Variants in PTPRN2 observed in about 807,000 individuals in gnomAD.
The protein encoded by PTPRN2 is receptor-type tyrosine-protein phosphatase N2.
A neutral mutation model predicts 118.8 loss-of-function variants in PTPRN2; 74 were observed. The ratio of observed to expected loss-of-function variants is 0.62; its 90% CI spans 0.52 to 0.76. The LOEUF (loss-of-function observed/expected upper bound fraction) is 0.76. PTPRN2 is among the 30% of genes least tolerant of loss of function. The probability of loss-of-function intolerance (pLI) is 0.00; values close to 1 mark genes in which losing one functional copy is unlikely to be tolerated. For synonymous variants in PTPRN2, 641 were observed against 608.0 expected, an observed-to-expected ratio of 1.05 and a Z score of -0.80; for missense variants, 1,481 against 1,394.4, an observed-to-expected ratio of 1.06 and a Z score of -0.99.
chr7:158,424,552 C>T (rs1437825643), intron 2 of PTPRN2, among the ~76,000 whole-genome samples: 1 of 152,236 alleles, frequency 6.6e-6, no homozygotes, highest in Non-Finnish European at 1.5e-5. Flanking sequence ...TCAAACAAAT[C>T]ATATGTGTGT....
At chr7:158,337,583 C>G in intron 2 of PTPRN2, among the ~76,000 whole-genome samples, 1 of 139,272 alleles carries the variant, frequency 7.2e-6, no homozygotes, top group African/African-American at 2.8e-5. Flanking sequence ...GTGACACCTG[C>G]AGACGTCACT....
rs539116344 is a variant in PTPRN2, at chr7:157,981,987, AC to A, written c.1724-83251del. On this transcript the variant is annotated intron_variant, in intron 11 of 22. Transcript: ENST00000389418. Reference sequence around the variant, plus strand: ...TGCAGAGTGCAGGGTACCGCCCAGAACCCCTGAGTCATAGAGACAAGGAGGG... The same window carrying A: ...TGCAGAGTGCAGGGTACCGCCCAGAACCCTGAGTCATAGAGACAAGGAGGG... 2.3e-3 allele frequency among the ~76,000 whole-genome samples: 323 copies of A among 142,490 alleles called. 11 individuals are homozygous for A. Among genetic ancestry groups the A allele is most frequent in the Admixed American group, 0.023 (311 of 13,744 alleles). 93.5% of individuals were successfully genotyped at this position (142,490 alleles called of 152,430 possible).
chr7:158,225,837 G>A (rs936175145), intron 3 of PTPRN2, among the ~76,000 whole-genome samples: 2 of 151,950 alleles, frequency 1.3e-5, no homozygotes, highest in African/African-American at 4.8e-5. Context: ...AAGGGACTTG[G>A]GGCTGTGGCA....
chr7:158,556,348 G>T (rs538311463), intron 1 of PTPRN2, among the ~76,000 whole-genome samples: 19 of 152,278 alleles, frequency 1.2e-4, no homozygotes, highest in African/African-American at 4.3e-4. Flanking sequence ...GAGGTCAAGA[G>T]TTCAAGACCA....
chr7:158,184,248 C>A (rs577047035), intron 5 of PTPRN2, among the ~76,000 whole-genome samples: 163 of 152,086 alleles, frequency 1.1e-3, no homozygotes, highest in African/African-American at 3.9e-3. Flanking sequence ...AGACACATGA[C>A]CATGTATATA....
chr7:157,722,473 C>T (rs184046522), intron 12 of PTPRN2, among the ~76,000 whole-genome samples: 2 of 152,222 alleles, frequency 1.3e-5, no homozygotes, highest in East Asian at 1.9e-4. Context: ...GGGAAAGGTG[C>T]GTGGCTCCCG....
At chr7:157,623,101 G>C (rs1363178095) in intron 14 of PTPRN2, among the ~76,000 whole-genome samples, 2 of 152,192 alleles carry the variant, frequency 1.3e-5, no homozygotes, top group African/African-American at 4.8e-5. Context: ...CTCAATCTAG[G>C]AAATGCTACA....
At chr7:157,612,602 G>C (rs965144653) in intron 15 of PTPRN2, among the ~76,000 whole-genome samples, 2 of 152,204 alleles carry the variant, frequency 1.3e-5, no homozygotes, top group Non-Finnish European at 2.9e-5. Flanking sequence ...GACGGTCTTG[G>C]GGCTGCCAGG....
intron 12 of PTPRN2, among the ~76,000 whole-genome samples, chr7:157,747,548 T>C (rs1351395889): frequency 5.5e-5 from 6 of 109,342 alleles, no homozygotes; most frequent in South Asian, 4.1e-4. Context: ...CCCTGAGCTG[T>C]GGGCTGTTGA....
At chr7:157,599,586 C>G (rs1357511894) in intron 16 of PTPRN2, among the ~76,000 whole-genome samples, 1 of 152,206 alleles carries the variant, frequency 6.6e-6, no homozygotes, top group African/African-American at 2.4e-5. Context: ...AAATGAAGCA[C>G]TCAGCATGTC....
intron 12 of PTPRN2, among the ~76,000 whole-genome samples, chr7:157,791,336 G>GAACAA (rs1211251388): frequency 6.6e-6 from 1 of 152,150 alleles, no homozygotes; most frequent in Non-Finnish European, 1.5e-5. Flanking sequence ...AAACAGAACA[G>GAACAA]AACAAAATTC....
At chr7:157,715,324 T>C (rs1285405554) in intron 12 of PTPRN2, among the ~76,000 whole-genome samples, 1 of 152,014 alleles carries the variant, frequency 6.6e-6, no homozygotes, top group Non-Finnish European at 1.5e-5. Context: ...CTCAGCAACC[T>C]ACCAGCACAG....
chr7:157,614,287 T>G (rs1447312078), intron 15 of PTPRN2, among the ~76,000 whole-genome samples: 1 of 151,044 alleles, frequency 6.6e-6, no homozygotes, highest in Non-Finnish European at 1.5e-5. Flanking sequence ...TCCGGGTTCT[T>G]GGGAAACGGG....
intron 3 of PTPRN2, among the ~76,000 whole-genome samples, chr7:158,248,284 G>A (rs976516430): frequency 6.6e-6 from 1 of 152,100 alleles, no homozygotes; most frequent in Non-Finnish European, 1.5e-5. Flanking sequence ...TCTCCTGTAA[G>A]AAGCCGCTGA....
At position 158,133,980 on chromosome 7, in the gene PTPRN2, G is replaced by A; in HGVS notation, c.1253C>T (p.Ala418Val). 6.2e-7 allele frequency: 1 copy of A among 1,614,038 alleles called. No homozygotes were observed. Among genetic ancestry groups the A allele is most frequent in the Non-Finnish European group, 8.5e-7 (1 of 1,180,044 alleles). Residue 418 changes from alanine (A) to valine (V), a missense_variant, in exon 9 of 23, where the codon GCA (alanine) becomes GTA (valine). Coordinates refer to ENST00000389418, the MANE Select transcript of PTPRN2 (RefSeq NM_002847.5). ...CTTCCTCTCCATGTCGAGGGGCCTT[G>A]CAAAGGGGAGGGCTCCAGGTAAGAG... is the stretch of plus-strand genomic sequence containing the variant. ...SRLLPGALPF[A>V]RPLDMERKKS...
intron 2 of PTPRN2, among the ~76,000 whole-genome samples, chr7:158,471,908 C>A (rs1183689558): frequency 6.6e-6 from 1 of 152,222 alleles, no homozygotes; most frequent in Non-Finnish European, 1.5e-5. Context: ...AGACCACTGT[C>A]AGGGCAAAGA....
intron 12 of PTPRN2, among the ~76,000 whole-genome samples, chr7:157,824,846 C>T (rs932391770): frequency 6.6e-6 from 1 of 152,318 alleles, no homozygotes; most frequent in South Asian, 2.1e-4. Context: ...GAACCCGCCT[C>T]GCCTTGGCTG....
chr7:158,136,983 C>T (rs942990288), intron 7 of PTPRN2, among the ~76,000 whole-genome samples: 5 of 132,164 alleles, frequency 3.8e-5, no homozygotes, highest in African/African-American at 5.9e-5. Context: ...AGTTAACTCA[C>T]GGCAAAAAAA....
chr7:158,507,530 A>G (rs1044267946), intron 1 of PTPRN2, among the ~76,000 whole-genome samples: 9 of 150,420 alleles, frequency 6.0e-5, no homozygotes, highest in African/African-American at 2.0e-4. Context: ...AATCACACAC[A>G]TGAAGGTGAG....
Sources: gnomAD v4.1 joint callset for allele counts (sites outside exome capture counted in the v4.1 genomes callset) on GRCh38, gnomAD v4.1.1 for gene constraint, MANE v1.5 for transcripts, NCBI Gene and HGNC (gene_info 2026-07-23, HGNC 2026-07-21) for gene names.